Variants in SSUH2 observed in about 807,000 individuals in gnomAD.
SSUH2 encodes ssu-2 homolog.
Under a neutral mutation model 55.3 loss-of-function variants are expected in SSUH2, and 47 were observed. That is an observed-to-expected ratio of 0.85 (90% CI 0.67 to 1.08). SSUH2 has a LOEUF of 1.08. Among genes scored for constraint, SSUH2 ranks in the 50% least tolerant of loss-of-function variants. The pLI, the probability that SSUH2 is intolerant of heterozygous loss-of-function variation, is 0.00. For missense variants in SSUH2, 535 were observed against 490.7 expected, an observed-to-expected ratio of 1.09 and a Z score of -0.85; for synonymous variants, 212 against 191.5, an observed-to-expected ratio of 1.11 and a Z score of -0.89.
intron 6 of SSUH2, among the ~76,000 whole-genome samples, chr3:8,660,657 G>C (rs1231631082): frequency 2.0e-5 from 2 of 99,074 alleles, no homozygotes; most frequent in Non-Finnish European, 4.2e-5. Context: ...TCTATATTTA[G>C]CCTGTTCTTG....
chr3:8,680,622 A>T (rs1474288127), intron 1 of SSUH2, among the ~76,000 whole-genome samples: 1 of 152,044 alleles, frequency 6.6e-6, no homozygotes, highest in Non-Finnish European at 1.5e-5. Flanking sequence ...TATTGAAAGT[A>T]ATATCATCTT....
chr3:8,629,666 T>A lies in SSUH2; in HGVS notation c.586A>T (p.Thr196Ser). Residue 196 changes from threonine to serine, a missense_variant and splice_region_variant, in exon 7 of 12, where the codon ACG (threonine) becomes TCG (serine). Transcript: ENST00000544814. ...YKCSGCHGAG[T>S]VRCPSCCGAK... ...CCAGTGGTTCACAGATGACTCACCGTGCCCGCCCCGTGGCAGCCGCTGCAC... is the reference window on the plus strand; with the variant it reads ...CCAGTGGTTCACAGATGACTCACCGAGCCCGCCCCGTGGCAGCCGCTGCAC... 1 of 1,069,432 alleles carries A rather than the reference T, an allele frequency of 9.4e-7. No individual in the cohort carries two copies. The highest frequency in any genetic ancestry group is 1.3e-6 in the Non-Finnish European group (1 of 744,750). 66.2% of individuals were successfully genotyped at this position (1,069,432 alleles called of 1,614,324 possible). A position where few individuals can be genotyped will look rare whatever the true frequency, so the allele number is the denominator to read the frequency against.
intron 3 of SSUH2, among the ~76,000 whole-genome samples, chr3:8,676,971 G>C (rs1231614216): frequency 6.8e-6 from 1 of 146,064 alleles, no homozygotes; most frequent in Non-Finnish European, 1.5e-5. Context: ...CTGTGAGGCG[G>C]GGACTGAGAG....
chr3:8,648,947 T>A (rs530815532), upstream of SSUH2, among the ~76,000 whole-genome samples: 1 of 152,054 alleles, frequency 6.6e-6, no homozygotes, highest in Non-Finnish European at 1.5e-5. Context: ...CCCTCCCAGG[T>A]CCCCTCAGGA....
intron 3 of SSUH2, chr3:8,634,402 G>A (rs1699538252): frequency 7.7e-7 from 1 of 1,290,858 alleles, no homozygotes; most frequent in Non-Finnish European, 1.0e-6. Flanking sequence ...CCTTACTGAA[G>A]TCTTTCTGGC....
At chr3:8,663,412 T>C (rs1252818875) in intron 6 of SSUH2, among the ~76,000 whole-genome samples, 1 of 152,280 alleles carries the variant, frequency 6.6e-6, no homozygotes, top group Non-Finnish European at 1.5e-5. Context: ...TGAAACTCTT[T>C]ACTCTGGATT....
chr3:8,680,173 T>C (rs1342431061), intron 1 of SSUH2, among the ~76,000 whole-genome samples: 1 of 152,144 alleles, frequency 6.6e-6, no homozygotes, highest in Non-Finnish European at 1.5e-5. Flanking sequence ...TCTAAACAAC[T>C]AGACAGGGTT....
chr3:8,642,772 C>T (rs114822100), intron 1 of SSUH2, among the ~76,000 whole-genome samples: 177 of 152,302 alleles, frequency 1.2e-3, no homozygotes, highest in African/African-American at 4.2e-3. Flanking sequence ...TGGGCAATCA[C>T]CTCTCCCCTA....
At chr3:8,640,985 T>C (rs1255763627) in intron 1 of SSUH2, among the ~76,000 whole-genome samples, 1 of 152,238 alleles carries the variant, frequency 6.6e-6, no homozygotes, top group Non-Finnish European at 1.5e-5. Context: ...GGGACTGGGC[T>C]TCCCAGAGGT....
intron 5 of SSUH2, among the ~76,000 whole-genome samples, chr3:8,666,953 T>C (rs1389947178): frequency 3.3e-5 from 5 of 152,202 alleles, no homozygotes; most frequent in Non-Finnish European, 7.3e-5. Flanking sequence ...AAGAGACTTG[T>C]AGGGTGCAGA....
At chr3:8,634,427 G>A in intron 3 of SSUH2, 13 of 1,290,378 alleles carry the variant, frequency 1.0e-5, no homozygotes, top group Non-Finnish European at 1.3e-5. Flanking sequence ...ACACCTCCAA[G>A]AGGAAAGAAT....
At chr3:8,662,809 G>T (rs1464271891) in intron 6 of SSUH2, among the ~76,000 whole-genome samples, 4 of 152,214 alleles carry the variant, frequency 2.6e-5, no homozygotes, top group African/African-American at 4.8e-5. Flanking sequence ...ATCTGCACTC[G>T]CAGACAGGGA....
intron 6 of SSUH2, among the ~76,000 whole-genome samples, chr3:8,660,565 G>GA (rs1430192862): frequency 6.6e-6 from 1 of 151,950 alleles, no homozygotes; most frequent in Non-Finnish European, 1.5e-5. Flanking sequence ...AGATTGAAGG[G>GA]AAAAAAAGAG....
In SSUH2 at chr3:8,678,623, C is replaced by T. The variant is rs1445754398; in HGVS notation, c.-901+1082G>A. On this transcript the variant is annotated intron_variant, in intron 2 of 18. Transcript: ENST00000317371. ...CTGAGAGCCAGCCCTTCTTCCCCCC[C>T]GGCTTTTGGGACCCCCATCGCAGTG... Among the ~76,000 whole-genome samples the T allele has an allele frequency of 3.7e-3, 233 of 63,568 alleles. 34 individuals are homozygous for T. The highest frequency in any genetic ancestry group is 6.2e-3 in the South Asian group (8 of 1,290). 41.7% of individuals were successfully genotyped at this position (63,568 alleles called of 152,430 possible). A position where few individuals can be genotyped will look rare whatever the true frequency, so the allele number is the denominator to read the frequency against.
intron 10 of SSUH2, 85 bp downstream of exon 10, chr3:8,625,457 C>G: frequency 2.5e-6 from 2 of 807,722 alleles, no homozygotes; most frequent in Non-Finnish European, 4.2e-6. Context: ...GGAATGCAGC[C>G]TGCACACACA....
chr3:8,676,785 T>G (rs1327879496), intron 3 of SSUH2, among the ~76,000 whole-genome samples: 1 of 146,754 alleles, frequency 6.8e-6, no homozygotes, highest in South Asian at 2.1e-4. Context: ...CTCATCGCAG[T>G]GGGGGGAGGC....
At chr3:8,624,314 G>T (rs1450805088) in intron 10 of SSUH2, among the ~76,000 whole-genome samples, 1 of 152,214 alleles carries the variant, frequency 6.6e-6, no homozygotes, top group Non-Finnish European at 1.5e-5. Flanking sequence ...CGCTGAGGGT[G>T]AGACGGTGGT....
At position 8,623,676 on chromosome 3, in the gene SSUH2, A is replaced by C. The variant is rs1696926924; in HGVS notation, c.874-20T>G. The C allele has an allele frequency of 7.5e-7, 1 of 1,324,966 alleles. No homozygotes were observed. The highest frequency in any genetic ancestry group is 1.0e-6 in the Non-Finnish European group (1 of 958,038). The allele number at this position is 1,324,966 out of a possible 1,614,324, so 82.1% of individuals were successfully genotyped here. On this transcript the variant is annotated intron_variant, in intron 10 of 11. Transcript: ENST00000544814. ...GTACACCTGGGGGAAAGAGAGAGAG[A>C]CACAGACCACCTGGCTGCCGCACCT...
chr3:8,643,531 G>T (rs937439659), intron 1 of SSUH2, among the ~76,000 whole-genome samples: 12 of 152,120 alleles, frequency 7.9e-5, no homozygotes, highest in Non-Finnish European at 1.8e-4. Context: ...ATATCTCCAG[G>T]CAGTCTTTCA....
Sources: gnomAD v4.1 joint callset for allele counts (sites outside exome capture counted in the v4.1 genomes callset) on GRCh38, gnomAD v4.1.1 for gene constraint, MANE v1.5 for transcripts, NCBI Gene and HGNC (gene_info 2026-07-23, HGNC 2026-07-21) for gene names.